Variants in NQO1 observed in about 807,000 individuals in gnomAD.
NQO1 encodes NAD(P)H dehydrogenase [quinone] 1.
Under a neutral mutation model 32.1 loss-of-function variants are expected in NQO1, and 30 were observed. That is an observed-to-expected ratio of 0.94 (90% CI 0.70 to 1.27). The LOEUF (loss-of-function observed/expected upper bound fraction) is 1.27. Ranked by LOEUF, NQO1 falls within the 50% of genes most tolerant of loss-of-function variation. The probability of loss-of-function intolerance (pLI) is 0.00; values close to 1 mark genes in which losing one functional copy is unlikely to be tolerated. For synonymous variants in NQO1, 109 were observed against 119.7 expected (o/e 0.91, Z 0.59); for missense variants, 276 against 331.3 (o/e 0.83, Z 1.30).
intron 5 of NQO1, among the ~76,000 whole-genome samples, chr16:69,711,654 C>CTTTTTTT (rs903633662): frequency 2.9e-5 from 4 of 136,718 alleles, no homozygotes; most frequent in Non-Finnish European, 3.2e-5. Flanking sequence ...TTTTCTTTTT[C>CTTTTTTT]TTTTTTTTTT....
intron 3 of NQO1, 94 bp downstream of exon 3, chr16:69,718,029 G>A (rs769923259): frequency 6.6e-7 from 1 of 1,508,598 alleles, no homozygotes; most frequent in Non-Finnish European, 9.0e-7. Flanking sequence ...CAGTAAAGTG[G>A]GTAACTGTTT....
chr16:69,713,000 AAAAAG>A (rs766712724), intron 5 of NQO1, 23 bp downstream of exon 5: 275 of 1,584,986 alleles, frequency 1.7e-4, no homozygotes, highest in South Asian at 1.5e-3. Flanking sequence ...CTCAAAGAAA[AAAAAG>A]AAAAGAAAAG....
At chr16:69,714,263 G>T (rs2038082158) in intron 4 of NQO1, among the ~76,000 whole-genome samples, 1 of 151,438 alleles carries the variant, frequency 6.6e-6, no homozygotes, top group Non-Finnish European at 1.5e-5. Flanking sequence ...TCCACCTCCT[G>T]GGTTTCAAGC....
In NQO1 at chr16:69,715,032, A is replaced by C; in HGVS notation, c.349T>G (p.Phe117Val). ...FGVPAILKGWFERVFIGEFAY... is the reference protein window; with the variant it reads ...FGVPAILKGWVERVFIGEFAY... Reference sequence around the variant, plus strand: ...AACTCTCCTATGAACACTCGCTCAAACCAGCCTTTCAGAATGGCAGGGACT... The same window carrying C: ...AACTCTCCTATGAACACTCGCTCAACCCAGCCTTTCAGAATGGCAGGGACT... The change falls in exon 4 of 6, where the codon TTT becomes GTT. Residue 117 changes from phenylalanine (F) to valine (V), a missense_variant. Physicochemically the swap from Phe to Val is conservative, Grantham distance 50. Transcript: ENST00000320623. 1 of 1,613,876 alleles carries C rather than the reference A, an allele frequency of 6.2e-7. No homozygotes were observed. Among genetic ancestry groups the C allele is most frequent in the Non-Finnish European group, 8.5e-7 (1 of 1,179,866 alleles).
At chr16:69,711,940 G>T (rs1405475807) in intron 5 of NQO1, among the ~76,000 whole-genome samples, 1 of 151,836 alleles carries the variant, frequency 6.6e-6, no homozygotes, top group African/African-American at 2.4e-5. Flanking sequence ...AGGCCCAGAT[G>T]AGTCTTGATA....
chr16:69,712,928 G>C, intron 5 of NQO1, 100 bp downstream of exon 5: 1 of 956,648 alleles, frequency 1.0e-6, no homozygotes, highest in South Asian at 1.5e-5. Context: ...AGCGGGCGGA[G>C]CTTGTAGTGA....
chr16:69,709,917 G>C lies in NQO1; in HGVS notation c.*1059C>G. The stretch of plus-strand genomic sequence containing the variant: ...ACCTTCTGAAAATTTGTATAGATCA[G>C]AAATAAAGTATTTTTTGTGGAAGAC... On this transcript the variant is annotated 3_prime_UTR_variant, in exon 6 of 6. Coordinates refer to ENST00000320623, the MANE Select transcript of NQO1 (RefSeq NM_000903.3). The C allele has an allele frequency of 2.5e-6, 1 of 398,144 alleles. No homozygotes were observed. Among genetic ancestry groups the C allele is most frequent in the Non-Finnish European group, 4.4e-6 (1 of 225,858 alleles). 24.7% of individuals were successfully genotyped at this position (398,144 alleles called of 1,614,324 possible).
chr16:69,712,147 G>A (rs1270244659), intron 5 of NQO1, among the ~76,000 whole-genome samples: 1 of 152,078 alleles, frequency 6.6e-6, no homozygotes, highest in East Asian at 1.9e-4. Context: ...GCATGCAGTG[G>A]TGTGATCATA....
chr16:69,715,405 G>C (rs1567631498), intron 3 of NQO1, among the ~76,000 whole-genome samples: 1 of 152,242 alleles, frequency 6.6e-6, no homozygotes, highest in Non-Finnish European at 1.5e-5. Flanking sequence ...TTGCAAACAA[G>C]GTTTGCTTCA....
intron 1 of NQO1, among the ~76,000 whole-genome samples, chr16:69,721,960 A>C (rs1319329796): frequency 1.3e-5 from 2 of 151,918 alleles, no homozygotes; most frequent in Admixed American, 1.3e-4. Context: ...CCGTGATCAC[A>C]CCACTGTACT....
intron 4 of NQO1, among the ~76,000 whole-genome samples, chr16:69,713,598 T>C (rs1426628789): frequency 6.6e-6 from 1 of 152,210 alleles, no homozygotes; most frequent in Non-Finnish European, 1.5e-5. Context: ...AATGAGAAAA[T>C]AGTGCTGCAT....
chr16:69,722,779 G>T (rs772698324), intron 1 of NQO1, among the ~76,000 whole-genome samples: 2 of 152,180 alleles, frequency 1.3e-5, no homozygotes, highest in Non-Finnish European at 2.9e-5. Context: ...AAGCTCTGAG[G>T]CTGCCTCAAC....
chr16:69,712,542 C>T (rs1256583607), intron 5 of NQO1, among the ~76,000 whole-genome samples: 1 of 152,220 alleles, frequency 6.6e-6, no homozygotes, highest in Non-Finnish European at 1.5e-5. Context: ...CAGGTGTGTT[C>T]ACACACAGGC....
intron 1 of NQO1, among the ~76,000 whole-genome samples, chr16:69,721,856 A>G (rs940026467): frequency 7.3e-6 from 1 of 136,718 alleles, no homozygotes; most frequent in African/African-American, 2.8e-5. Context: ...AAAAAAAATT[A>G]GCTGAGCGTA....
intron 5 of NQO1, among the ~76,000 whole-genome samples, chr16:69,712,456 C>T (rs1267345698): frequency 6.6e-6 from 1 of 152,128 alleles, no homozygotes; most frequent in Non-Finnish European, 1.5e-5. Flanking sequence ...CCAGGGCCCA[C>T]GGCTATACAA....
Position 69,718,460 on chromosome 16 carries a change from C to T in NQO1, c.82G>A (p.Ala28Thr). ...TCCCATCCTTTCTTCTTCAAAGCCG[C>T]TGCAGCAGCCTCCTTCATGGCATAG... ...FNYAMKEAAA[A>T]ALKKKGWEVV... Residue 28 changes from alanine to threonine, a missense_variant, in exon 2 of 6, where the codon GCG becomes ACG. Ala to Thr is a moderately conservative substitution (Grantham distance 58). Coordinates refer to ENST00000320623, the MANE Select transcript of NQO1 (RefSeq NM_000903.3). 1 of 1,614,172 alleles carries T rather than the reference C, an allele frequency of 6.2e-7. No homozygotes were observed.
At chr16:69,713,800 G>A (rs577599980) in intron 4 of NQO1, among the ~76,000 whole-genome samples, 106 of 151,862 alleles carry the variant, frequency 7.0e-4, no homozygotes, top group Non-Finnish European at 1.1e-3. Context: ...TGTCTCCCGG[G>A]TTCAAGTGAT....
At chr16:69,711,749 G>A (rs1165006277) in intron 5 of NQO1, among the ~76,000 whole-genome samples, 1 of 151,864 alleles carries the variant, frequency 6.6e-6, no homozygotes, top group Non-Finnish European at 1.5e-5. Context: ...CACTTCCTGG[G>A]TTCAAGCGGT....
chr16:69,719,807 T>C (rs989595254), intron 1 of NQO1, among the ~76,000 whole-genome samples: 2 of 149,322 alleles, frequency 1.3e-5, no homozygotes, highest in African/African-American at 4.9e-5. Flanking sequence ...AAGTAAAAAA[T>C]ATATAAAAAA....
Sources: allele counts gnomAD v4.1 joint callset (sites outside exome capture counted in the v4.1 genomes callset), GRCh38; gene constraint gnomAD v4.1.1; transcripts MANE v1.5; gene names NCBI Gene and HGNC (gene_info 2026-07-23, HGNC 2026-07-21).